RPN1: variants seen among roughly 807,000 people sequenced by gnomAD.
The protein encoded by RPN1 is ribophorin I.
A neutral mutation model predicts 55.5 loss-of-function variants in RPN1; 12 were observed. The ratio of observed to expected loss-of-function variants is 0.22; its 90% CI spans 0.14 to 0.35. The LOEUF is 0.35. Among genes scored for constraint, RPN1 ranks in the 10% least tolerant of loss-of-function variants. The probability of loss-of-function intolerance (pLI) is 1.00; values close to 1 mark genes in which losing one functional copy is unlikely to be tolerated. For missense variants in RPN1, 679 were observed against 761.3 expected, an observed-to-expected ratio of 0.89 and a Z score of 1.27; for synonymous variants, 317 against 305.9, an observed-to-expected ratio of 1.04 and a Z score of -0.38.
intron 4 of RPN1, 24 bp from the exon 5 acceptor site, chr3:128,630,167 T>C: frequency 6.4e-7 from 1 of 1,552,228 alleles, no homozygotes; most frequent in Non-Finnish European, 8.8e-7. Flanking sequence ...GATATGCCCT[T>C]CTAAAACTCC....
At chr3:128,643,195 C>T (rs537730681) in intron 2 of RPN1, among the ~76,000 whole-genome samples, 1 of 148,248 alleles carries the variant, frequency 6.7e-6, no homozygotes, top group South Asian at 2.1e-4. Flanking sequence ...GGTGTGGTAG[C>T]GGACGCCTAT....
At chr3:128,629,439 A>G (rs887621222) in intron 5 of RPN1, among the ~76,000 whole-genome samples, 1 of 151,656 alleles carries the variant, frequency 6.6e-6, no homozygotes, top group Admixed American at 6.6e-5. Context: ...GCGGGCACCT[A>G]TAATCCCAGC....
Position 128,626,786 on chromosome 3 carries a change from A to T in RPN1, c.1083T>A (p.Asp361Glu), listed in dbSNP as rs1396394781. Residue 361 changes from aspartate (D) to glutamate (E), a missense_variant, in exon 6 of 10, where the codon GAT becomes GAA. Physicochemically the swap from Asp to Glu is conservative, Grantham distance 45 (BLOSUM62 2). This residue lies in a region of RPN1 where 306 missense variants were observed against 360.0 expected (regional missense o/e 0.85). Coordinates refer to ENST00000296255, the MANE Select transcript of RPN1 (RefSeq NM_002950.4). ...CAGTCAGAGAATCTATCACTTGTTC[A>T]TCAAACACATGGTCCACAAACCTCA... ...LKMRFVDHVF[D>E]EQVIDSLTVK... 1.9e-6 allele frequency: 3 copies of T among 1,614,072 alleles called. No homozygotes were observed. The African/African-American group carries it at 4.0e-5, about 22-fold the overall frequency.
intron 3 of RPN1, among the ~76,000 whole-genome samples, chr3:128,637,211 C>A (rs1329834868): frequency 6.6e-6 from 1 of 151,832 alleles, no homozygotes; most frequent in Non-Finnish European, 1.5e-5. Context: ...GTACTCCAGG[C>A]TGGGCAACAG....
Position 128,631,929 on chromosome 3 carries a change from C to A in RPN1, c.843+19G>T. 6.2e-7 allele frequency: 1 copy of A among 1,613,016 alleles called. No individual in the cohort carries two copies. The highest frequency in any genetic ancestry group is 1.1e-5 in the South Asian group (1 of 91,038). On this transcript the variant is annotated intron_variant, in intron 4 of 9. Coordinates refer to ENST00000296255, the MANE Select transcript of RPN1 (RefSeq NM_002950.4). ...TAAAGTCCTCATTTCTCACAATGTC[C>A]AAGTTGAACATTCCATACCTTAAAA...
Position 128,631,933 on chromosome 3 carries a change from T to C in RPN1, c.843+15A>G, listed in dbSNP as rs749863758. The C allele has an allele frequency of 5.0e-6, 8 of 1,613,516 alleles. 1 individual carries two copies. In the South Asian group the frequency reaches 7.7e-5, roughly 16 times the overall value. On this transcript the variant is annotated intron_variant, in intron 4 of 9. Transcript: ENST00000296255. ...GTCCTCATTTCTCACAATGTCCAAGTTGAACATTCCATACCTTAAAAGAAC... is the reference window on the plus strand; with the variant it reads ...GTCCTCATTTCTCACAATGTCCAAGCTGAACATTCCATACCTTAAAAGAAC...
intron 8 of RPN1, 21 bp downstream of exon 8, chr3:128,625,513 G>A (rs1044175750): frequency 1.9e-6 from 3 of 1,614,028 alleles, no homozygotes; most frequent in Non-Finnish European, 2.5e-6. Context: ...ATGACAAGCA[G>A]GAAGAAGGCA....
intron 5 of RPN1, 87 bp downstream of exon 5, chr3:128,629,864 C>A (rs532404673): frequency 2.5e-5 from 18 of 719,066 alleles, no homozygotes; most frequent in Non-Finnish European, 9.4e-6. Flanking sequence ...AATGAACACA[C>A]CCCATCTATA....
Position 128,644,919 on chromosome 3 carries a change from CT to C in RPN1, c.325del (p.Ser109ValfsTer67). Reference sequence around the variant, plus strand: ...CAAGGTATATTGTTTGTCAGCTTACCTTTTACCCTTAATTTTGGTTTCACGT... The same window carrying C: ...CAAGGTATATTGTTTGTCAGCTTACCTTTACCCTTAATTTTGGTTTCACGT... The part of the protein sequence containing the change: ...EVRETKIKGK[S>X]GRFFTVKLPV... On this transcript the variant is annotated frameshift_variant and splice_region_variant, in exon 2 of 10. Transcript: ENST00000296255. LOFTEE classifies it high-confidence loss of function. 1 of 1,519,336 alleles carries C rather than the reference CT, an allele frequency of 6.6e-7. No individual in the cohort carries two copies. The highest frequency in any genetic ancestry group is 9.1e-7 in the Non-Finnish European group (1 of 1,093,688). 94.1% of individuals were successfully genotyped at this position (1,519,336 alleles called of 1,614,324 possible).
At chr3:128,648,541 CGA>C (rs1445552247) in intron 1 of RPN1, among the ~76,000 whole-genome samples, 1 of 151,366 alleles carries the variant, frequency 6.6e-6, no homozygotes, top group Non-Finnish European at 1.5e-5. Flanking sequence ...GCATGGGCAA[CGA>C]GAGTGAAACT....
chr3:128,637,069 T>G (rs2069686690), intron 3 of RPN1, among the ~76,000 whole-genome samples: 1 of 151,922 alleles, frequency 6.6e-6, no homozygotes, highest in Non-Finnish European at 1.5e-5. Context: ...AGATCCCGTC[T>G]CTACAACAAA....
intron 2 of RPN1, among the ~76,000 whole-genome samples, chr3:128,643,225 C>A (rs1156242086): frequency 7.1e-6 from 1 of 141,220 alleles, no homozygotes; most frequent in Non-Finnish European, 1.5e-5. Context: ...TACTCAGGAG[C>A]CTGAGGCAGG....
intron 5 of RPN1, among the ~76,000 whole-genome samples, chr3:128,628,294 G>GA (rs1162000512): frequency 0.034 from 1,355 of 40,414 alleles, 15 homozygotes; most frequent in African/African-American, 0.093. Flanking sequence ...AAGTGAGACA[G>GA]AAAAAAAAAA....
chr3:128,650,273 A>G (rs2069806556), intron 1 of RPN1, among the ~76,000 whole-genome samples: 1 of 152,166 alleles, frequency 6.6e-6, no homozygotes, highest in Non-Finnish European at 1.5e-5. Context: ...CCACGTGAGC[A>G]GCGACCCGCG....
At chr3:128,631,602 T>A (rs960265590) in intron 4 of RPN1, among the ~76,000 whole-genome samples, 45 of 151,564 alleles carry the variant, frequency 3.0e-4, no homozygotes, top group Non-Finnish European at 5.3e-4. Context: ...ATTAGCCAGG[T>A]GTAGTGGTGC....
intron 4 of RPN1, 65 bp from the exon 5 acceptor site, chr3:128,630,208 C>A: frequency 9.2e-7 from 1 of 1,085,960 alleles, no homozygotes; most frequent in Non-Finnish European, 1.4e-6. Flanking sequence ...TGATCCTAAA[C>A]ACAGAAGACT....
rs1296138285 is a variant in RPN1 at position 128,650,764 on chromosome 3, A to C, written c.37T>G (p.Leu13Val). 1 of 1,547,788 alleles carries C rather than the reference A, an allele frequency of 6.5e-7. No individual in the cohort carries two copies. ...APAAGLFLLL[L>V]LGTWAPAPGS... ...GGCGCCGGGGCCCAAGTCCCAAGCA[A>C]CAGGAGCAGAAACAAGCCGGCGGCT... Residue 13 changes from leucine to valine, a missense_variant, in exon 1 of 10, where the codon TTG becomes GTG. Coordinates refer to ENST00000296255, the MANE Select transcript of RPN1 (RefSeq NM_002950.4).
chr3:128,635,256 T>G (rs908173914), intron 3 of RPN1, among the ~76,000 whole-genome samples: 1 of 151,824 alleles, frequency 6.6e-6, no homozygotes, highest in African/African-American at 2.4e-5. Flanking sequence ...CATAAATGGT[T>G]ACCAAGGAGA....
chr3:128,625,444 G>A (rs1432910242), intron 8 of RPN1, 90 bp downstream of exon 8: 4 of 1,599,082 alleles, frequency 2.5e-6, no homozygotes, highest in South Asian at 1.1e-5. Context: ...ATGGCGTCCT[G>A]CCCTGGGCTC....
Sources: gnomAD v4.1 joint callset for allele counts (sites outside exome capture counted in the v4.1 genomes callset) on GRCh38, gnomAD v4.1.1 for gene constraint, gnomAD v4.1.1 regional missense constraint, MANE v1.5 for transcripts, NCBI Gene and HGNC (gene_info 2026-07-23, HGNC 2026-07-21) for gene names.